The following SHROOM2 variants were observed in gnomAD, a reference collection of about 807,000 sequenced individuals.
SHROOM2 encodes shroom family member 2, also known as protein Shroom2.
Under a neutral mutation model 75.9 loss-of-function variants are expected in SHROOM2, and 33 were observed. The observed-to-expected ratio is 0.43, with a 90% confidence interval of 0.33 to 0.58. The LOEUF is 0.58. Among genes scored for constraint, SHROOM2 ranks in the 20% least tolerant of loss-of-function variants. The pLI, the probability that SHROOM2 is intolerant of heterozygous loss-of-function variation, is 0.04. For missense variants in SHROOM2, 1,434 were observed against 1,461.2 expected (o/e 0.98, Z 0.30); for synonymous variants, 655 against 663.6 (o/e 0.99, Z 0.20).
chrX:9,932,298 C>T lies in SHROOM2; in HGVS notation c.3015C>T (p.Pro1005=). 8.3e-7 allele frequency: 1 copy of T among 1,205,902 alleles called. No homozygotes were observed. The part of the protein sequence containing the change: ...LSHCRGAPEL[P]REGRGRAGTL... ...ACTGCCGGGGAGCCCCAGAGCTGCC[C>T]CGGGAGGGCCGGGGCCGAGCGGGAA... The change falls in exon 6 of 10, where the codon CCC becomes CCT. Residue 1005 remains proline (P), a synonymous_variant. Coordinates refer to ENST00000380913, the MANE Select transcript of SHROOM2 (RefSeq NM_001649.4).
At chrX:9,813,123 A>G (rs1449014720) in intron 1 of SHROOM2, among the ~76,000 whole-genome samples, 2 of 111,774 alleles carry the variant, frequency 1.8e-5, no homozygotes, top group Non-Finnish European at 3.8e-5. Context: ...GGGATGTGAC[A>G]TTGTTTTTGA....
At chrX:9,861,431 A>G (rs1163504163) in intron 1 of SHROOM2, among the ~76,000 whole-genome samples, 6 of 112,073 alleles carry the variant, frequency 5.4e-5, no homozygotes, top group Non-Finnish European at 9.4e-5. Context: ...TGGCCTCCCA[A>G]AGCACTGGGA....
At chrX:9,884,365 T>TTTC (rs1191898494) in intron 2 of SHROOM2, among the ~76,000 whole-genome samples, 2,753 of 94,774 alleles carry the variant, frequency 0.029, 104 homozygotes, top group African/African-American at 0.12. Context: ...TTTTTTTTCT[T>TTTC]TTCTTTTTTT....
chrX:9,820,082 T>C (rs993705505), intron 1 of SHROOM2, among the ~76,000 whole-genome samples: 24 of 108,346 alleles, frequency 2.2e-4, no homozygotes, highest in African/African-American at 7.8e-4. Context: ...ATTACAGGCA[T>C]GAGCCACCGT....
chrX:9,877,217 G>A (rs1294539175), intron 2 of SHROOM2, among the ~76,000 whole-genome samples: 1 of 111,702 alleles, frequency 9.0e-6, no homozygotes, highest in Non-Finnish European at 1.9e-5. Context: ...GGAGACAGGC[G>A]GATCACTATC....
At chrX:9,852,370 C>A (rs935824701) in intron 1 of SHROOM2, among the ~76,000 whole-genome samples, 2 of 112,884 alleles carry the variant, frequency 1.8e-5, no homozygotes, top group African/African-American at 6.4e-5. Flanking sequence ...CCCAGACCAC[C>A]TGCAGGCGTT....
At chrX:9,807,098 A>AG (rs1046304728) in intron 1 of SHROOM2, among the ~76,000 whole-genome samples, 2 of 111,747 alleles carry the variant, frequency 1.8e-5, no homozygotes, top group African/African-American at 6.5e-5. Context: ...TGGCAAGTGA[A>AG]GGGGTTGGGT....
rs764493191 is a variant in SHROOM2 at position 9,949,392 on chromosome X, A to G, written c.*2455A>G. 6.0e-6 allele frequency: 2 copies of G among 331,104 alleles called. No individual in the cohort carries two copies. Among genetic ancestry groups the G allele is most frequent in the South Asian group, 2.6e-5 (1 of 38,528 alleles). 27.3% of individuals were successfully genotyped at this position (331,104 alleles called of 1,213,427 possible). On this transcript the variant is annotated 3_prime_UTR_variant, in exon 10 of 10. Transcript: ENST00000380913. The stretch of plus-strand genomic sequence containing the variant: ...CTCGACACTTACCACTCACCTATCA[A>G]CAGATCATCCTGCTTGACTGTAACA...
chrX:9,880,131 C>G (rs1441607696), intron 2 of SHROOM2, among the ~76,000 whole-genome samples: 3 of 112,097 alleles, frequency 2.7e-5, no homozygotes, highest in African/African-American at 9.7e-5. Context: ...GGGGACAGGT[C>G]TTGGTGTCTG....
intron 5 of SHROOM2, among the ~76,000 whole-genome samples, chrX:9,907,531 G>A (rs2147027830): frequency 9.0e-6 from 1 of 111,344 alleles, no homozygotes; most frequent in East Asian, 2.8e-4. Context: ...CACCCAAATC[G>A]GGTGGTGTCA....
intron 5 of SHROOM2, among the ~76,000 whole-genome samples, chrX:9,917,669 C>T (rs1018209223): frequency 7.2e-5 from 8 of 111,140 alleles, no homozygotes; most frequent in African/African-American, 9.8e-5. Context: ...TACAAGCATG[C>T]GCCACCACGC....
At chrX:9,886,065 A>G (rs2084259498) in intron 2 of SHROOM2, among the ~76,000 whole-genome samples, 1 of 111,819 alleles carries the variant, frequency 8.9e-6, no homozygotes, top group African/African-American at 3.2e-5. Context: ...GTTTGTTTTC[A>G]TTTTTTCATT....
rs2084330003 is a variant in SHROOM2 at position 9,896,250 on chromosome X, A to G, written c.2342A>G (p.His781Arg). 5 of 1,211,084 alleles carry G rather than the reference A, an allele frequency of 4.1e-6. No homozygotes were observed. The African/African-American group carries it at 5.2e-5, about 13-fold the overall frequency. Residue 781 changes from histidine (H) to arginine (R), a missense_variant, in exon 4 of 10, where the codon CAC (histidine) becomes CGC (arginine). His to Arg is a conservative substitution (Grantham distance 29). Around this residue, in one of 3 missense-constraint regions of SHROOM2, gnomAD observed 1,340 missense variants for 1,338.3 expected, o/e 1.00. Coordinates refer to ENST00000380913, the MANE Select transcript of SHROOM2 (RefSeq NM_001649.4). ...GGCCTCACGAGGGGCTACAGTCCTC[A>G]CCAGCACCCCAGGACATCTGAGGAT... is the stretch of plus-strand genomic sequence containing the variant. Reference protein sequence around the residue: ...EVGLTRGYSPHQHPRTSEDTV... With the variant: ...EVGLTRGYSPRQHPRTSEDTV...
chrX:9,839,850 T>G (rs2083970319), intron 1 of SHROOM2, among the ~76,000 whole-genome samples: 1 of 112,238 alleles, frequency 8.9e-6, no homozygotes, highest in Non-Finnish European at 1.9e-5. Context: ...GAAAGCTATC[T>G]CTTGACCCTG....
chrX:9,942,647 CG>C (rs1569180539), intron 8 of SHROOM2, among the ~76,000 whole-genome samples: 1 of 105,006 alleles, frequency 9.5e-6, no homozygotes, highest in African/African-American at 3.5e-5. Context: ...GAAAGGGGTG[CG>C]GAAGAGCTTC....
chrX:9,901,897 A>T (rs1203912502), intron 5 of SHROOM2, among the ~76,000 whole-genome samples: 1 of 110,827 alleles, frequency 9.0e-6, no homozygotes, highest in Non-Finnish European at 1.9e-5. Context: ...TTACATGCTC[A>T]ATAAATGGTT....
At chrX:9,862,047 G>A (rs914630237) in intron 1 of SHROOM2, among the ~76,000 whole-genome samples, 5 of 111,980 alleles carry the variant, frequency 4.5e-5, no homozygotes, top group African/African-American at 1.3e-4. Flanking sequence ...CCGTGCTTAC[G>A]GCTTTTCTGT....
At chrX:9,894,290 C>T in intron 3 of SHROOM2, 68 bp from the exon 4 acceptor site, 3 of 1,051,884 alleles carry the variant, frequency 2.9e-6, no homozygotes, top group Non-Finnish European at 3.9e-6. Context: ...GCTGCGTCCA[C>T]CGCCTTGCCC....
At chrX:9,862,687 C>A (rs755397535) in intron 1 of SHROOM2, among the ~76,000 whole-genome samples, 1 of 111,993 alleles carries the variant, frequency 8.9e-6, no homozygotes, top group Non-Finnish European at 1.9e-5. Flanking sequence ...CTTTCCACCG[C>A]CCGCGTGCCT....
Sources: allele counts gnomAD v4.1 joint callset (sites outside exome capture counted in the v4.1 genomes callset), GRCh38; gene constraint gnomAD v4.1.1; regional missense constraint gnomAD v4.1.1; transcripts MANE v1.5; gene names NCBI Gene and HGNC (gene_info 2026-07-23, HGNC 2026-07-21).